Variants in BFAR observed in about 807,000 individuals in gnomAD.
BFAR encodes the protein bifunctional apoptosis regulator.
In BFAR, 52 loss-of-function variants were observed where a neutral mutation model predicts 54.4. The observed-to-expected ratio is 0.96, with a 90% confidence interval of 0.77 to 1.21. The LOEUF (loss-of-function observed/expected upper bound fraction) is 1.21, where lower values mean the gene tolerates loss of function less well. BFAR is among the 50% of genes most tolerant of loss of function. The probability of loss-of-function intolerance (pLI) is 0.00; values close to 1 mark genes in which losing one functional copy is unlikely to be tolerated. For missense variants in BFAR, 571 were observed against 534.0 expected (o/e 1.07, Z -0.68); for synonymous variants, 215 against 204.3 (o/e 1.05, Z -0.45).
At chr16:14,644,809 T>G (rs1959742212) in intron 2 of BFAR, among the ~76,000 whole-genome samples, 200 bp downstream of exon 2, 1 of 152,058 alleles carries the variant, frequency 6.6e-6, no homozygotes, top group African/African-American at 2.4e-5. Flanking sequence ...GTCCAGCCAG[T>G]GGGCTTTCTC....
At chr16:14,662,710 G>C (rs1344171175) in intron 6 of BFAR, among the ~76,000 whole-genome samples, 2 of 152,004 alleles carry the variant, frequency 1.3e-5, no homozygotes, top group Non-Finnish European at 2.9e-5. Flanking sequence ...CAGAGACAGG[G>C]TTTCACCATG....
chr16:14,666,908 A>G (rs1960456937), intron 7 of BFAR, among the ~76,000 whole-genome samples: 1 of 152,116 alleles, frequency 6.6e-6, no homozygotes, highest in African/African-American at 2.4e-5. Flanking sequence ...AGCAAAGAAA[A>G]TATGTACGTT....
chr16:14,637,925 AT>A lies in BFAR; in HGVS notation c.-74+4917del, dbSNP rs111352593. On this transcript the variant is annotated intron_variant, in intron 1 of 7. Coordinates refer to ENST00000261658, the MANE Select transcript of BFAR (RefSeq NM_016561.3). Reference sequence around the variant, plus strand: ...TAGAGAAGTTTAATTTCTCTCTTTGATTTTTTTTTTCAGTTTGTACCCTGGA... The same window carrying A: ...TAGAGAAGTTTAATTTCTCTCTTTGATTTTTTTTTCAGTTTGTACCCTGGA... Among the ~76,000 whole-genome samples, 12 of 146,882 alleles carry A rather than the reference AT, an allele frequency of 8.2e-5. No homozygotes were observed. In the East Asian group the frequency reaches 2.2e-3, roughly 27 times the overall value.
chr16:14,659,225 G>GTTTTTTTTTTT (rs1295639386), intron 5 of BFAR, among the ~76,000 whole-genome samples: 5 of 141,304 alleles, frequency 3.5e-5, no homozygotes, highest in Non-Finnish European at 6.2e-5. Context: ...ATGCAATTTG[G>GTTTTTTTTTTT]TTTTTTTTGT....
chr16:14,655,147 C>T lies in BFAR; in HGVS notation c.720C>T (p.Leu240=), dbSNP rs771527331. The change falls in exon 5 of 8, where the codon CTC becomes CTT. Residue 240 remains leucine, a synonymous_variant. Transcript: ENST00000261658. Reference sequence around the variant, plus strand: ...ACAGCAGCCACAGGAGAGCCATCCTCATGGAGCTAGAACGTGTCAAAGCAT... The same window carrying T: ...ACAGCAGCCACAGGAGAGCCATCCTTATGGAGCTAGAACGTGTCAAAGCAT... The part of the protein sequence containing the change: ...IENSSHRRAI[L]MELERVKALG... The T allele has an allele frequency of 1.1e-5, 18 of 1,611,980 alleles. 1 individual carries two copies. The highest frequency in any genetic ancestry group is 3.4e-5 in the Admixed American group (2 of 59,570).
intron 2 of BFAR, among the ~76,000 whole-genome samples, chr16:14,646,840 C>A (rs1482005249): frequency 1.3e-5 from 2 of 152,110 alleles, no homozygotes; most frequent in African/African-American, 4.8e-5. Context: ...ACTAAAGATC[C>A]TTTTGACCCC....
chr16:14,636,924 C>T (rs1301888932), intron 1 of BFAR, among the ~76,000 whole-genome samples: 1 of 152,182 alleles, frequency 6.6e-6, no homozygotes, highest in Non-Finnish European at 1.5e-5. Context: ...GCCCGTAATC[C>T]ATTTAACCCT....
intron 1 of BFAR, among the ~76,000 whole-genome samples, chr16:14,635,366 C>A (rs1223986583): frequency 6.6e-6 from 1 of 152,124 alleles, no homozygotes; most frequent in Non-Finnish European, 1.5e-5. Context: ...CAAACAAAAA[C>A]CAATAGTTAA....
chr16:14,645,800 T>C (rs966233452), intron 2 of BFAR, among the ~76,000 whole-genome samples: 1 of 152,202 alleles, frequency 6.6e-6, no homozygotes, highest in Admixed American at 6.6e-5. Context: ...CTTTTTTCCC[T>C]TCTTATAAAC....
chr16:14,648,611 TC>T lies in BFAR; in HGVS notation c.468+21del. ...AGTGGCAGTAAGTTGATCACTGTGT[TC>T]CTCTGTGCCCCCCCACACCTCACCC... On this transcript the variant is annotated intron_variant, in intron 3 of 7. Coordinates refer to ENST00000261658, the MANE Select transcript of BFAR (RefSeq NM_016561.3). 6.3e-7 allele frequency: 1 copy of T among 1,594,164 alleles called. No individual in the cohort carries two copies. Among genetic ancestry groups the T allele is most frequent in the Non-Finnish European group, 8.6e-7 (1 of 1,163,026 alleles).
chr16:14,650,003 G>T (rs778836553), intron 4 of BFAR, 30 bp downstream of exon 4: 102 of 1,568,234 alleles, frequency 6.5e-5, no homozygotes, highest in Non-Finnish European at 7.7e-5. Context: ...GACACACCGT[G>T]GACATTTTAG....
At chr16:14,644,848 C>T (rs956600645) in intron 2 of BFAR, among the ~76,000 whole-genome samples, 2 of 152,042 alleles carry the variant, frequency 1.3e-5, no homozygotes, top group Non-Finnish European at 2.9e-5. Flanking sequence ...TTTGAAAGGT[C>T]GCACACTTGG....
At chr16:14,644,187 C>T (rs1959714159) in intron 1 of BFAR, 87 bp from the exon 2 acceptor site, 1 of 753,334 alleles carries the variant, frequency 1.3e-6, no homozygotes, top group Non-Finnish European at 2.1e-6. Context: ...AAAATTAGCG[C>T]TTCAATAGAA....
Position 14,668,028 on chromosome 16 carries a change from A to C in BFAR, c.*201A>C. 3 of 583,976 alleles carry C rather than the reference A, an allele frequency of 5.1e-6. No homozygotes were observed. The South Asian group carries it at 7.4e-5, about 14-fold the overall frequency. 36.2% of individuals were successfully genotyped at this position (583,976 alleles called of 1,614,324 possible). On this transcript the variant is annotated 3_prime_UTR_variant, in exon 8 of 8. Coordinates refer to ENST00000261658, the MANE Select transcript of BFAR (RefSeq NM_016561.3). ...AGCAAGGACTGACATCCGCACAGGG[A>C]GGATTGTCTGTTTGGCTGACACAGC... is the stretch of plus-strand genomic sequence containing the variant.
chr16:14,649,523 T>A (rs963338590), intron 3 of BFAR, among the ~76,000 whole-genome samples: 3 of 152,120 alleles, frequency 2.0e-5, no homozygotes, highest in Non-Finnish European at 4.4e-5. Flanking sequence ...GTTGATGGAG[T>A]CAAGGCACCA....
chr16:14,640,639 G>A (rs1177809605), intron 1 of BFAR, among the ~76,000 whole-genome samples: 1 of 152,190 alleles, frequency 6.6e-6, no homozygotes, highest in African/African-American at 2.4e-5. Flanking sequence ...TGGTGAGACT[G>A]TTCCAGGACA....
intron 1 of BFAR, among the ~76,000 whole-genome samples, chr16:14,638,180 C>T (rs8057552): frequency 7.2e-5 from 11 of 152,112 alleles, no homozygotes; most frequent in South Asian, 2.1e-4. Flanking sequence ...CCCAGGAACT[C>T]GAGACCATCA....
intron 5 of BFAR, 33 bp downstream of exon 5, chr16:14,655,243 CTTT>C: frequency 1.1e-6 from 1 of 939,448 alleles, no homozygotes; most frequent in African/African-American, 1.8e-5. Context: ...TTTTTTTTTA[CTTT>C]TTATTTTTAT....
chr16:14,658,223 G>C (rs1343387017), intron 5 of BFAR, among the ~76,000 whole-genome samples: 1 of 152,210 alleles, frequency 6.6e-6, no homozygotes, highest in Non-Finnish European at 1.5e-5. Flanking sequence ...TGAGGAGGCG[G>C]TGTCTGATTT....
Sources: allele counts gnomAD v4.1 joint callset (sites outside exome capture counted in the v4.1 genomes callset), GRCh38; gene constraint gnomAD v4.1.1; transcripts MANE v1.5; gene names NCBI Gene and HGNC (gene_info 2026-07-23, HGNC 2026-07-21).